Variants in NEGR1 observed in about 807,000 individuals in gnomAD.
NEGR1 encodes the protein neuronal growth regulator 1.
Under a neutral mutation model 40.9 loss-of-function variants are expected in NEGR1, and 10 were observed. The observed-to-expected ratio is 0.24, with a 90% CI of 0.15 to 0.42. The LOEUF is 0.42. Ranked by LOEUF, NEGR1 falls within the 10% of genes least tolerant of loss-of-function variation. The pLI is 1.00. For synonymous variants in NEGR1, 185 were observed against 166.8 expected (o/e 1.11, Z -0.84); for missense variants, 352 against 438.9 (o/e 0.80, Z 1.77).
chr1:71,820,568 A>G (rs1347062277), intron 2 of NEGR1, among the ~76,000 whole-genome samples: 1 of 151,966 alleles, frequency 6.6e-6, no homozygotes, highest in African/African-American at 2.4e-5. Context: ...CATATAGGGG[A>G]CATATGACAC....
chr1:71,689,303 C>T (rs1432813063), intron 4 of NEGR1, among the ~76,000 whole-genome samples: 1 of 152,080 alleles, frequency 6.6e-6, no homozygotes, highest in African/African-American at 2.4e-5. Context: ...TTCATGCAGT[C>T]TCTATAAAAC....
chr1:72,164,625 ACTT>A (rs967341525), intron 1 of NEGR1, among the ~76,000 whole-genome samples: 2 of 152,024 alleles, frequency 1.3e-5, no homozygotes, highest in Admixed American at 1.3e-4. Flanking sequence ...GAATTTTTAC[ACTT>A]CTTCTGTAGA....
At chr1:72,219,942 T>C (rs1653954923) in intron 1 of NEGR1, among the ~76,000 whole-genome samples, 1 of 152,056 alleles carries the variant, frequency 6.6e-6, no homozygotes, top group African/African-American at 2.4e-5. Flanking sequence ...GCTCTACAGA[T>C]ACACTATTTT....
intron 3 of NEGR1, among the ~76,000 whole-genome samples, chr1:71,708,020 C>CA (rs1653963083): frequency 6.6e-6 from 1 of 151,808 alleles, no homozygotes; most frequent in African/African-American, 2.4e-5. Flanking sequence ...GAAAGCCTTT[C>CA]AAAAAAGGAT....
At position 71,677,842 on chromosome 1, in the gene NEGR1, G is replaced by A. The variant is rs149264248; in HGVS notation, c.667+20166C>T. Reference sequence around the variant, plus strand: ...TTAAAATCTTGTTAATCTGAGACTCGAGTTGTGAAGAAAGAATCAAGATTA... The same window carrying A: ...TTAAAATCTTGTTAATCTGAGACTCAAGTTGTGAAGAAAGAATCAAGATTA... On this transcript the variant is annotated intron_variant, in intron 4 of 6. Transcript: ENST00000357731. 2.1e-3 allele frequency among the ~76,000 whole-genome samples: 319 copies of A among 152,192 alleles called. 1 individual carries two copies. Among genetic ancestry groups the A allele is most frequent in the African/African-American group, 7.3e-3 (302 of 41,528 alleles).
intron 1 of NEGR1, among the ~76,000 whole-genome samples, chr1:72,229,652 C>T (rs1238634538): frequency 6.6e-6 from 1 of 151,274 alleles, no homozygotes; most frequent in East Asian, 1.9e-4. Context: ...TCTTTCTATT[C>T]TGTTTTCTTT....
At chr1:71,747,227 GA>G (rs948000523) in intron 3 of NEGR1, among the ~76,000 whole-genome samples, 2 of 151,378 alleles carry the variant, frequency 1.3e-5, no homozygotes, top group African/African-American at 4.9e-5. Flanking sequence ...TAAAAAAAAA[GA>G]AAAAAAGGAT....
At chr1:71,684,891 C>T (rs1357812013) in intron 4 of NEGR1, among the ~76,000 whole-genome samples, 1 of 152,182 alleles carries the variant, frequency 6.6e-6, no homozygotes. Context: ...TTCTCTCAAA[C>T]TTCACAATTT....
chr1:71,683,770 A>G (rs1196515578), intron 4 of NEGR1, among the ~76,000 whole-genome samples: 2 of 57,786 alleles, frequency 3.5e-5, no homozygotes, highest in Admixed American at 6.1e-4. Flanking sequence ...AAAGTTACTT[A>G]GGATTTTTTT....
chr1:72,046,725 T>A (rs113261297), intron 1 of NEGR1, among the ~76,000 whole-genome samples: 2 of 151,768 alleles, frequency 1.3e-5, no homozygotes, highest in African/African-American at 4.8e-5. Context: ...CTAGATATAG[T>A]TTGTTTTACT....
intron 1 of NEGR1, among the ~76,000 whole-genome samples, chr1:72,206,899 TGGTATGAAAA>T (rs1653423545): frequency 6.6e-6 from 1 of 151,682 alleles, no homozygotes; most frequent in Admixed American, 6.6e-5. Context: ...GAGATTGCAG[TGGTATGAAAA>T]GTAAGAGAAC....
At chr1:71,752,808 C>A (rs1474221456) in intron 3 of NEGR1, among the ~76,000 whole-genome samples, 1 of 152,130 alleles carries the variant, frequency 6.6e-6, no homozygotes, top group Non-Finnish European at 1.5e-5. Flanking sequence ...TTTCCAGGAA[C>A]AGGAGATTCG....
At chr1:71,489,203 G>A (rs1449413100) in intron 6 of NEGR1, among the ~76,000 whole-genome samples, 1 of 151,750 alleles carries the variant, frequency 6.6e-6, no homozygotes, top group Non-Finnish European at 1.5e-5. Flanking sequence ...AGGAATAATG[G>A]CATATATTCA....
intron 1 of NEGR1, among the ~76,000 whole-genome samples, chr1:72,238,979 G>A (rs1654648783): frequency 6.6e-6 from 1 of 151,758 alleles, no homozygotes; most frequent in African/African-American, 2.4e-5. Flanking sequence ...AGTCTTCATT[G>A]TATTTTTCCT....
intron 3 of NEGR1, among the ~76,000 whole-genome samples, chr1:71,731,049 G>A (rs1394737223): frequency 1.3e-5 from 2 of 151,894 alleles, no homozygotes; most frequent in African/African-American, 4.8e-5. Flanking sequence ...AAGCATTGAG[G>A]CTCAGAAAGC....
chr1:71,737,736 T>G (rs1557633490), intron 3 of NEGR1, among the ~76,000 whole-genome samples: 3 of 152,216 alleles, frequency 2.0e-5, no homozygotes, highest in Non-Finnish European at 4.4e-5. Context: ...CAGTCTTTGT[T>G]CTTACAGGCA....
At chr1:72,007,776 C>T (rs1287670848) in intron 1 of NEGR1, among the ~76,000 whole-genome samples, 1 of 152,086 alleles carries the variant, frequency 6.6e-6, no homozygotes, top group Non-Finnish European at 1.5e-5. Context: ...AAGATATAGG[C>T]CATTTTCTGT....
At chr1:71,726,466 G>A (rs1008386928) in intron 3 of NEGR1, among the ~76,000 whole-genome samples, 25 of 152,202 alleles carry the variant, frequency 1.6e-4, no homozygotes, top group Admixed American at 1.2e-3. Flanking sequence ...TGAAGATTCC[G>A]AAGTTAGGAG....
intron 5 of NEGR1, among the ~76,000 whole-genome samples, chr1:71,597,676 G>A (rs1570086191): frequency 2.0e-5 from 3 of 151,890 alleles, no homozygotes; most frequent in African/African-American, 7.2e-5. Flanking sequence ...GGAGGCTGAG[G>A]CGGGTGGATC....
Sources: allele counts gnomAD v4.1 joint callset (sites outside exome capture counted in the v4.1 genomes callset), GRCh38; gene constraint gnomAD v4.1.1; transcripts MANE v1.5; gene names NCBI Gene and HGNC (gene_info 2026-07-23, HGNC 2026-07-21).